The following PLXNA4 variants were observed in gnomAD, a reference collection of about 807,000 sequenced individuals.
The protein encoded by PLXNA4 is plexin-A4.
Under a neutral mutation model 191.8 loss-of-function variants are expected in PLXNA4, and 44 were observed. That is an observed-to-expected ratio of 0.23 (90% confidence interval 0.18 to 0.29). The LOEUF is 0.29. PLXNA4 is among the 10% of genes least tolerant of loss of function. PLXNA4 has a pLI of 1.00. For missense variants in PLXNA4, 1,800 were observed against 2,488.8 expected, an observed-to-expected ratio of 0.72 and a Z score of 5.89; for synonymous variants, 1,082 against 1,009.5, an observed-to-expected ratio of 1.07 and a Z score of -1.36.
upstream of PLXNA4, chr7:132,576,488 C>T (rs1802244792): frequency 1.2e-5 from 12 of 985,282 alleles, no homozygotes; most frequent in South Asian, 4.7e-5. The surrounding 1 kb of genome is among the most constrained non-coding windows in gnomAD (Gnocchi z 5.8). Flanking sequence ...GAGCCTATGC[C>T]GCTGCCTCTC....
At chr7:132,208,769 G>A (rs1047966970) in intron 10 of PLXNA4, among the ~76,000 whole-genome samples, 6 of 152,174 alleles carry the variant, frequency 3.9e-5, no homozygotes, top group Non-Finnish European at 7.3e-5. Flanking sequence ...GAGCCCAGCC[G>A]TTCCCTTCCT....
intron 2 of PLXNA4, among the ~76,000 whole-genome samples, chr7:132,626,028 T>G (rs1056279100): frequency 2.6e-5 from 4 of 152,198 alleles, no homozygotes; most frequent in African/African-American, 9.7e-5. Flanking sequence ...ATTCAGTTTA[T>G]CCCAAACTGA....
At chr7:132,270,712 G>A (rs1439438259) in intron 4 of PLXNA4, among the ~76,000 whole-genome samples, 1 of 152,190 alleles carries the variant, frequency 6.6e-6, no homozygotes, top group Non-Finnish European at 1.5e-5. Flanking sequence ...TTACAATGCG[G>A]AGGAGCTGTC....
chr7:132,630,115 G>T (rs188689298), intron 2 of PLXNA4, among the ~76,000 whole-genome samples: 1 of 152,140 alleles, frequency 6.6e-6, no homozygotes, highest in African/African-American at 2.4e-5. Flanking sequence ...CTCCCAAAGT[G>T]CTGGGATTAC....
intron 3 of PLXNA4, among the ~76,000 whole-genome samples, chr7:132,423,169 T>C (rs1168875907): frequency 6.6e-6 from 1 of 152,262 alleles, no homozygotes; most frequent in African/African-American, 2.4e-5. Flanking sequence ...AAATCAGATC[T>C]GCCCTGCGGA....
At chr7:132,505,028 A>G (rs1798402940) in intron 2 of PLXNA4, among the ~76,000 whole-genome samples, 1 of 152,230 alleles carries the variant, frequency 6.6e-6, no homozygotes, top group African/African-American at 2.4e-5. Context: ...CTGTGCATTA[A>G]ACACCAGCCT....
intron 3 of PLXNA4, among the ~76,000 whole-genome samples, chr7:132,485,494 A>G (rs1215636042): frequency 6.6e-6 from 1 of 152,224 alleles, no homozygotes; most frequent in Non-Finnish European, 1.5e-5. Context: ...CAGAGAAAGC[A>G]AGAGAGGGAA....
At chr7:132,496,077 C>T (rs537266935) in intron 2 of PLXNA4, among the ~76,000 whole-genome samples, 3 of 152,354 alleles carry the variant, frequency 2.0e-5, no homozygotes, top group Non-Finnish European at 2.9e-5. Flanking sequence ...CTGGGCCCTG[C>T]TTCAGTTATG....
chr7:132,410,252 G>C (rs1423864074), intron 3 of PLXNA4, among the ~76,000 whole-genome samples: 1 of 149,960 alleles, frequency 6.7e-6, no homozygotes, highest in African/African-American at 2.5e-5. Flanking sequence ...TTTACAGACA[G>C]GACTGAGACC....
chr7:132,172,758 TATAATAATAATA>T (rs10651247), intron 21 of PLXNA4, among the ~76,000 whole-genome samples: 2 of 148,948 alleles, frequency 1.3e-5, no homozygotes, highest in East Asian at 2.0e-4. Flanking sequence ...AAACTTAAAG[TATAATAATAATA>T]ATAATAATAA....
intron 3 of PLXNA4, among the ~76,000 whole-genome samples, chr7:132,421,432 A>G (rs1214078595): frequency 6.6e-6 from 1 of 152,178 alleles, no homozygotes; most frequent in African/African-American, 2.4e-5. Context: ...CCATCTTCTT[A>G]TCATCACTCT....
chr7:132,455,752 G>A (rs1194470235), intron 3 of PLXNA4, among the ~76,000 whole-genome samples: 1 of 152,170 alleles, frequency 6.6e-6, no homozygotes, highest in Non-Finnish European at 1.5e-5. Flanking sequence ...CCTAGCGGAG[G>A]GGTGGGGGAG....
chr7:132,612,833 C>T (rs1190450436), intron 2 of PLXNA4, among the ~76,000 whole-genome samples: 5 of 152,106 alleles, frequency 3.3e-5, no homozygotes, highest in Non-Finnish European at 7.4e-5. Flanking sequence ...TGTCTCTAGG[C>T]ATCGCCCAAT....
At chr7:132,562,915 TC>T (rs1801316539) in intron 1 of PLXNA4, among the ~76,000 whole-genome samples, 1 of 33,124 alleles carries the variant, frequency 3.0e-5, no homozygotes, top group African/African-American at 1.0e-4. Context: ...CTCCTCCTCT[TC>T]CTCCTCCTCC....
In PLXNA4 at chr7:132,269,908, T is replaced by C. The variant is rs76217515; in HGVS notation, c.1503+28183A>G. On this transcript the variant is annotated intron_variant, in intron 4 of 31. Coordinates refer to ENST00000321063, the MANE Select transcript of PLXNA4 (RefSeq NM_020911.2). ...GGGAGAGGGAGCTGTCCCTAGTACATTATGGGAAGTCAGTGCTGAGGCCCC... is the reference window on the plus strand; with the variant it reads ...GGGAGAGGGAGCTGTCCCTAGTACACTATGGGAAGTCAGTGCTGAGGCCCC... Among the ~76,000 whole-genome samples the C allele has an allele frequency of 9.1e-3, 1,382 of 152,060 alleles. 13 individuals are homozygous for C. Among genetic ancestry groups the C allele is most frequent in the Middle Eastern group, 0.017 (5 of 294 alleles).
At chr7:132,427,271 G>A (rs904642276) in intron 3 of PLXNA4, among the ~76,000 whole-genome samples, 1 of 152,212 alleles carries the variant, frequency 6.6e-6, no homozygotes, top group African/African-American at 2.4e-5. Flanking sequence ...GCTCCAGGAG[G>A]TTGACTGAGG....
At chr7:132,431,819 G>A (rs1327496915) in intron 3 of PLXNA4, among the ~76,000 whole-genome samples, 1 of 152,216 alleles carries the variant, frequency 6.6e-6, no homozygotes, top group Non-Finnish European at 1.5e-5. Flanking sequence ...GGGTACGTGA[G>A]ATAATGTGTG....
chr7:132,370,803 G>A (rs191015980), intron 3 of PLXNA4, among the ~76,000 whole-genome samples: 1 of 152,304 alleles, frequency 6.6e-6, no homozygotes, highest in East Asian at 1.9e-4. Flanking sequence ...GTGTGACTGA[G>A]CTAGGCCATC....
intron 3 of PLXNA4, among the ~76,000 whole-genome samples, chr7:132,361,906 A>T (rs1803957769): frequency 6.6e-6 from 1 of 152,268 alleles, no homozygotes; most frequent in East Asian, 1.9e-4. Flanking sequence ...AACATTTAAA[A>T]AAGGAAAAGA....
Sources: allele counts gnomAD v4.1 joint callset (sites outside exome capture counted in the v4.1 genomes callset), GRCh38; gene constraint gnomAD v4.1.1; non-coding constraint Gnocchi (gnomAD v3.1); transcripts MANE v1.5; gene names NCBI Gene and HGNC (gene_info 2026-07-23, HGNC 2026-07-21).